PRH1: variants seen among roughly 807,000 people sequenced by gnomAD.
PRH1 encodes salivary acidic proline-rich phosphoprotein 1/2.
PRH1 carries 7 observed loss-of-function variants against 7.9 expected under a neutral mutation model. The ratio of observed to expected loss-of-function variants is 0.89; its 90% CI spans 0.50 to 1.67. PRH1 has a LOEUF of 1.67. Among genes scored for constraint, PRH1 ranks in the 40% most tolerant of loss-of-function variants. The pLI, the probability that PRH1 is intolerant of heterozygous loss-of-function variation, is 0.00. For synonymous variants in PRH1, 45 were observed against 80.8 expected (o/e 0.56, Z 2.38); for missense variants, 109 against 223.6 (o/e 0.49, Z 3.27).
At chr12:11,152,230 C>CCTCCCT (rs2136430127) in intron 1 of PRH1, among the ~76,000 whole-genome samples, 1 of 113,488 alleles carries the variant, frequency 8.8e-6, no homozygotes, top group South Asian at 3.8e-4. Flanking sequence ...TATCCCTCCC[C>CCTCCCT]CCTCCCCCCA....
chr12:10,996,153 T>TA lies in PRH1; in HGVS notation c.-125-22433dup, dbSNP rs966765090. 3.5e-3 allele frequency among the ~76,000 whole-genome samples: 496 copies of TA among 140,310 alleles called. 8 individuals are homozygous for TA. Among genetic ancestry groups the TA allele is most frequent in the Middle Eastern group, 3.7e-3 (1 of 272 alleles). The allele number at this position is 140,310 out of a possible 152,430, so 92.0% of individuals were successfully genotyped here. On this transcript the variant is annotated intron_variant, in intron 1 of 3. Transcript: ENST00000539853. The stretch of plus-strand genomic sequence containing the variant: ...CAGCATGGTGAAACCCCATCTCTAC[T>TA]AAAAAAAAAAAGAAAAATACAAAAA...
intron 1 of PRH1, among the ~76,000 whole-genome samples, chr12:11,020,367 T>G (rs879311774): frequency 0.44 from 31,524 of 71,288 alleles, 4,307 homozygotes; most frequent in Non-Finnish European, 0.53. Context: ...ATAAGCGATA[T>G]ATATATATAT....
downstream of PRH1, among the ~76,000 whole-genome samples, chr12:11,116,668 GTC>G (rs1945739874): frequency 6.6e-6 from 1 of 151,884 alleles, no homozygotes; most frequent in South Asian, 2.1e-4. Flanking sequence ...TGATTCCAAA[GTC>G]TCAATACTAT....
chr12:10,921,303 G>A (rs866658044), intron 2 of PRH1, among the ~76,000 whole-genome samples: 14 of 151,986 alleles, frequency 9.2e-5, no homozygotes, highest in Middle Eastern at 3.4e-3. Flanking sequence ...ATCTGAATTT[G>A]ATATCTTGTG....
rs199768488 is a variant in PRH1 at position 11,091,492 on chromosome 12, C to G, written n.124-44304G>C. The G allele has an allele frequency of 3.9e-6, 5 of 1,283,668 alleles. No homozygotes were observed. The African/African-American group carries it at 8.0e-5, about 21-fold the overall frequency. The allele number at this position is 1,283,668 out of a possible 1,614,324, so 79.5% of individuals were successfully genotyped here. A position where few individuals can be genotyped will look rare whatever the true frequency, so the allele number is the denominator to read the frequency against. On this transcript the variant is annotated intron_variant and non_coding_transcript_variant, in intron 1 of 4. Transcript: ENST00000541977. ...GACTTCCAAAACTCCAAACTGATAT[C>G]ATTATGGACAGAAAGTAAATGGCAC...
At chr12:11,023,075 C>T (rs201410251) in intron 1 of PRH1, among the ~76,000 whole-genome samples, 2 of 150,506 alleles carry the variant, frequency 1.3e-5, no homozygotes, top group Admixed American at 1.3e-4. Flanking sequence ...CCAATATGGA[C>T]TTATTTTTAT....
intron 1 of PRH1, among the ~76,000 whole-genome samples, chr12:11,070,626 T>A (rs73262725): frequency 2.2e-4 from 33 of 151,954 alleles, no homozygotes; most frequent in African/African-American, 7.5e-4. Context: ...CTCTTCTTAC[T>A]TATGCCCCTC....
chr12:10,997,948 T>A (rs1297279226), intron 1 of PRH1: 2 of 908,132 alleles, frequency 2.2e-6, no homozygotes, highest in East Asian at 5.0e-5. Context: ...ATTCAAGACT[T>A]TAAGTTAAAT....
intron 2 of PRH1, among the ~76,000 whole-genome samples, chr12:10,940,018 GAAAA>G (rs1011612819): frequency 2.6e-5 from 4 of 151,882 alleles, no homozygotes; most frequent in African/African-American, 9.7e-5. Flanking sequence ...TAAAAATAAA[GAAAA>G]TAAAGAAAAA....
At chr12:11,061,264 T>C in intron 1 of PRH1, 2 of 1,487,544 alleles carry the variant, frequency 1.3e-6, no homozygotes, top group Non-Finnish European at 1.8e-6. Flanking sequence ...TTGAAAGTTA[T>C]TCATATACAT....
intron 1 of PRH1, among the ~76,000 whole-genome samples, chr12:11,052,924 AT>A (rs1329426327): frequency 2.3e-5 from 1 of 44,112 alleles, no homozygotes; most frequent in Non-Finnish European, 7.5e-5. Context: ...GATTTTTTTG[AT>A]TTTTTGTTTT....
At chr12:11,102,236 A>T (rs376346684) in intron 1 of PRH1, among the ~76,000 whole-genome samples, 2 of 152,182 alleles carry the variant, frequency 1.3e-5, no homozygotes, top group East Asian at 1.9e-4. Flanking sequence ...CATTGCCAAG[A>T]CAATCCTAAG....
At chr12:11,039,346 G>A (rs758453843) in intron 1 of PRH1, among the ~76,000 whole-genome samples, 1 of 152,200 alleles carries the variant, frequency 6.6e-6, no homozygotes, top group African/African-American at 2.4e-5. Flanking sequence ...ATAGGCCAAC[G>A]GATGTAATCA....
intron 1 of PRH1, among the ~76,000 whole-genome samples, chr12:10,990,952 C>T (rs1272567317): frequency 6.6e-6 from 1 of 152,178 alleles, no homozygotes; most frequent in Non-Finnish European, 1.5e-5. Flanking sequence ...ATAGAAGAAA[C>T]AACGCTGGAG....
At chr12:11,143,460 C>T (rs1311593934) in intron 1 of PRH1, among the ~76,000 whole-genome samples, 3 of 151,982 alleles carry the variant, frequency 2.0e-5, no homozygotes, top group Non-Finnish European at 4.4e-5. Flanking sequence ...AAGAGCAGAC[C>T]ACAACATAAC....
chr12:11,144,747 C>A (rs1296791280), intron 1 of PRH1, among the ~76,000 whole-genome samples: 2 of 152,204 alleles, frequency 1.3e-5, no homozygotes, highest in African/African-American at 2.4e-5. Flanking sequence ...GTTTGGGGAC[C>A]CAGTGAGCTC....
Position 11,091,226 on chromosome 12 carries a change from T to C in PRH1, n.124-44038A>G, listed in dbSNP as rs568419704. The C allele has an allele frequency of 5.9e-4, 635 of 1,077,988 alleles. 190 individuals are homozygous for C. The highest frequency in any genetic ancestry group is 7.6e-4 in the Non-Finnish European group (587 of 770,828). 66.8% of individuals were successfully genotyped at this position (1,077,988 alleles called of 1,614,324 possible). ...TACACATACAGTATAGAAAAACCAG[T>C]AAGAAATATAAAATGTTTCATACAC... is the stretch of plus-strand genomic sequence containing the variant. On this transcript the variant is annotated intron_variant and non_coding_transcript_variant, in intron 1 of 4. Coordinates refer to the PRH1 transcript ENST00000541977.
At chr12:10,983,567 G>A (rs1167637578) in intron 1 of PRH1, among the ~76,000 whole-genome samples, 1 of 152,182 alleles carries the variant, frequency 6.6e-6, no homozygotes, top group Non-Finnish European at 1.5e-5. Flanking sequence ...ATGATGGAAC[G>A]CAGAACAGCA....
upstream of PRH1, among the ~76,000 whole-genome samples, chr12:10,886,316 A>T (rs1156822044): frequency 2.0e-5 from 3 of 152,174 alleles, no homozygotes; most frequent in African/African-American, 7.2e-5. Flanking sequence ...TTGCCTGATG[A>T]TGTGGGGGAC....
Sources: allele counts gnomAD v4.1 joint callset (sites outside exome capture counted in the v4.1 genomes callset), GRCh38; gene constraint gnomAD v4.1.1; transcripts MANE v1.5; gene names NCBI Gene and HGNC (gene_info 2026-07-23, HGNC 2026-07-21).